The following PTPRD variants were observed in gnomAD, a reference collection of about 807,000 sequenced individuals.
PTPRD encodes the protein receptor-type tyrosine-protein phosphatase delta.
A neutral mutation model predicts 214.5 loss-of-function variants in PTPRD; 34 were observed. The observed-to-expected ratio is 0.16, with a 90% confidence interval of 0.12 to 0.21. The LOEUF is 0.21. Ranked by LOEUF, PTPRD falls within the 10% of genes least tolerant of loss-of-function variation. The probability of loss-of-function intolerance (pLI) is 1.00; values close to 1 mark genes in which losing one functional copy is unlikely to be tolerated. For synonymous variants in PTPRD, 1,128 were observed against 845.7 expected (o/e 1.33, Z -5.79); for missense variants, 2,545 against 2,398.7 (o/e 1.06, Z -1.27).
intron 8 of PTPRD, among the ~76,000 whole-genome samples, chr9:9,425,604 G>A (rs879019630): frequency 1.3e-5 from 2 of 151,004 alleles, no homozygotes; most frequent in Non-Finnish European, 2.9e-5. Context: ...GTGGAAAGCA[G>A]CGTAAGATCA....
intron 14 of PTPRD, among the ~76,000 whole-genome samples, chr9:8,596,103 T>C (rs1413063013): frequency 1.3e-5 from 2 of 152,134 alleles, no homozygotes; most frequent in Non-Finnish European, 2.9e-5. Context: ...TCCTATTTGA[T>C]AAAACTATAG....
At chr9:8,319,711 C>T (rs1225602267) in intron 45 of PTPRD, 120 bp downstream of exon 45, 2 of 1,227,146 alleles carry the variant, frequency 1.6e-6, no homozygotes, top group Non-Finnish European at 1.1e-6. Context: ...AATTATTAAA[C>T]AGTTTGATGC....
intron 8 of PTPRD, among the ~76,000 whole-genome samples, chr9:9,490,780 A>G (rs74558519): frequency 2.5e-4 from 38 of 152,040 alleles, no homozygotes; most frequent in African/African-American, 8.9e-4. Flanking sequence ...AATTAACACA[A>G]AGGAAGACAG....
chr9:9,744,040 T>C (rs1338912430), intron 6 of PTPRD, among the ~76,000 whole-genome samples: 1 of 152,050 alleles, frequency 6.6e-6, no homozygotes, highest in African/African-American at 2.4e-5. Flanking sequence ...TTGTAAGACT[T>C]TTACATATAC....
intron 3 of PTPRD, among the ~76,000 whole-genome samples, chr9:10,079,403 G>C (rs971819015): frequency 1.3e-5 from 2 of 152,064 alleles, no homozygotes; most frequent in African/African-American, 4.8e-5. Context: ...ATGAAATCCC[G>C]AGGCCACCCC....
intron 14 of PTPRD, among the ~76,000 whole-genome samples, chr9:8,561,285 C>G (rs1328744566): frequency 6.6e-6 from 1 of 152,084 alleles, no homozygotes; most frequent in Non-Finnish European, 1.5e-5. Flanking sequence ...ATAAAAAGCC[C>G]CAGACCCAGC....
chr9:9,670,635 T>C (rs1454230181), intron 7 of PTPRD, among the ~76,000 whole-genome samples: 1 of 152,196 alleles, frequency 6.6e-6, no homozygotes. Flanking sequence ...TGTGTGCAGC[T>C]TAGAGACTTG....
intron 5 of PTPRD, among the ~76,000 whole-genome samples, chr9:9,935,378 T>C (rs1404751043): frequency 2.0e-5 from 3 of 152,040 alleles, no homozygotes; most frequent in Non-Finnish European, 4.4e-5. Context: ...ACTTCAGCAG[T>C]CTCAGGATAC....
intron 4 of PTPRD, among the ~76,000 whole-genome samples, chr9:9,939,684 T>C (rs2090842169): frequency 6.6e-6 from 1 of 152,192 alleles, no homozygotes; most frequent in Non-Finnish European, 1.5e-5. Flanking sequence ...TGTGGCTCCC[T>C]GTATTTTGGT....
At chr9:9,982,672 C>T (rs1435298773) in intron 4 of PTPRD, among the ~76,000 whole-genome samples, 1 of 151,936 alleles carries the variant, frequency 6.6e-6, no homozygotes, top group Non-Finnish European at 1.5e-5. Flanking sequence ...GAAGTCAGAT[C>T]AAGGCTTTCC....
At chr9:8,920,582 G>C (rs1017263401) in intron 11 of PTPRD, among the ~76,000 whole-genome samples, 4 of 152,074 alleles carry the variant, frequency 2.6e-5, no homozygotes, top group African/African-American at 9.7e-5. Context: ...TAGCTGATGA[G>C]CTAAAACAAA....
chr9:9,271,881 GA>G (rs1943086369), intron 9 of PTPRD, among the ~76,000 whole-genome samples: 1 of 151,206 alleles, frequency 6.6e-6, no homozygotes, highest in Non-Finnish European at 1.5e-5. Flanking sequence ...TATACATACG[GA>G]AAAATAGCAG....
intron 7 of PTPRD, among the ~76,000 whole-genome samples, chr9:9,698,830 C>T (rs1236883398): frequency 1.3e-5 from 2 of 152,298 alleles, no homozygotes; most frequent in East Asian, 3.9e-4. Context: ...AAGGGCATCA[C>T]AGATATAAAA....
At chr9:8,483,888 G>A (rs917816773) in intron 30 of PTPRD, among the ~76,000 whole-genome samples, 7 of 152,150 alleles carry the variant, frequency 4.6e-5, no homozygotes, top group East Asian at 1.9e-4. Context: ...AAATAACACT[G>A]TCCCTGCAAT....
chr9:8,647,749 A>AGAAT (rs1183644226), intron 12 of PTPRD, among the ~76,000 whole-genome samples: 1 of 152,242 alleles, frequency 6.6e-6, no homozygotes, highest in Admixed American at 6.5e-5. Flanking sequence ...GCAATGTGTC[A>AGAAT]GAATGTCCAA....
chr9:9,387,774 T>C (rs1348872995), intron 9 of PTPRD, among the ~76,000 whole-genome samples: 1 of 152,134 alleles, frequency 6.6e-6, no homozygotes, highest in Non-Finnish European at 1.5e-5. Flanking sequence ...TGCTCAATCC[T>C]CTAGGGGAGC....
intron 10 of PTPRD, among the ~76,000 whole-genome samples, chr9:9,040,883 T>G (rs1363950227): frequency 6.6e-6 from 1 of 152,136 alleles, no homozygotes; most frequent in Non-Finnish European, 1.5e-5. Context: ...TTATTATTTT[T>G]TCAGTGCTAA....
At chr9:9,751,354 C>G (rs147555905) in intron 6 of PTPRD, among the ~76,000 whole-genome samples, 2 of 152,038 alleles carry the variant, frequency 1.3e-5, no homozygotes, top group African/African-American at 2.4e-5. Flanking sequence ...AACTTCACCA[C>G]TGACTGGGTT....
intron 2 of PTPRD, among the ~76,000 whole-genome samples, chr9:10,437,492 C>G (rs548140071): frequency 8.6e-5 from 13 of 151,804 alleles, no homozygotes; most frequent in African/African-American, 2.9e-4. Context: ...ATTAATGTGG[C>G]TTGATATCAG....
Sources: gnomAD v4.1 joint callset for allele counts (sites outside exome capture counted in the v4.1 genomes callset) on GRCh38, gnomAD v4.1.1 for gene constraint, MANE v1.5 for transcripts, NCBI Gene and HGNC (gene_info 2026-07-23, HGNC 2026-07-21) for gene names.